The following RAD51B variants were observed in gnomAD, a reference collection of about 807,000 sequenced individuals.
RAD51B encodes the protein RAD51 paralog B.
A neutral mutation model predicts 42.2 loss-of-function variants in RAD51B; 38 were observed. That is an observed-to-expected ratio of 0.90 (90% confidence interval 0.70 to 1.18). The LOEUF (loss-of-function observed/expected upper bound fraction) is 1.18, where lower values mean the gene tolerates loss of function less well. Among genes scored for constraint, RAD51B ranks in the 50% most tolerant of loss-of-function variants. The pLI, the probability that RAD51B is intolerant of heterozygous loss-of-function variation, is 0.00. For missense variants in RAD51B, 373 were observed against 400.7 expected (o/e 0.93, Z 0.59); for synonymous variants, 154 against 145.2 (o/e 1.06, Z -0.43).
At chr14:68,230,652 G>T (rs1357414125) in intron 7 of RAD51B, among the ~76,000 whole-genome samples, 5 of 152,232 alleles carry the variant, frequency 3.3e-5, no homozygotes, top group Admixed American at 2.6e-4. Flanking sequence ...GATCTACAGT[G>T]AGGGAATAGA....
At chr14:67,970,820 A>G (rs2074882667) in intron 7 of RAD51B, among the ~76,000 whole-genome samples, 1 of 152,028 alleles carries the variant, frequency 6.6e-6, no homozygotes, top group Admixed American at 6.6e-5. Flanking sequence ...GACAAAGGAG[A>G]TACTTGAGAA....
intron 7 of RAD51B, among the ~76,000 whole-genome samples, chr14:68,286,870 T>C (rs1172090642): frequency 6.6e-6 from 1 of 152,208 alleles, no homozygotes. Flanking sequence ...TTGGGCTCAG[T>C]TGGCTCAATC....
intron 7 of RAD51B, among the ~76,000 whole-genome samples, chr14:68,082,591 A>G (rs1428106492): frequency 6.6e-6 from 1 of 152,056 alleles, no homozygotes; most frequent in Admixed American, 6.6e-5. Context: ...CTGCTGTTCT[A>G]TACCTTGCTT....
At chr14:68,494,351 C>T (rs747937903) in intron 10 of RAD51B, among the ~76,000 whole-genome samples, 2 of 151,688 alleles carry the variant, frequency 1.3e-5, no homozygotes, top group East Asian at 1.9e-4. Context: ...GGTAGTTCTT[C>T]GGTTTTGTGA....
intron 7 of RAD51B, among the ~76,000 whole-genome samples, chr14:68,114,411 G>A (rs2077507240): frequency 6.6e-6 from 1 of 151,908 alleles, no homozygotes; most frequent in African/African-American, 2.4e-5. Context: ...CCATTGAATG[G>A]CATTTTTAGT....
At chr14:68,519,615 G>T (rs1378341924) in intron 10 of RAD51B, among the ~76,000 whole-genome samples, 1 of 152,202 alleles carries the variant, frequency 6.6e-6, no homozygotes, top group Non-Finnish European at 1.5e-5. Context: ...ATCTCAGGAT[G>T]AATCCATTTT....
rs193127299 is a variant in RAD51B at position 67,942,664 on chromosome 14, G to A, written c.756+55460G>A. ...GTTTACGTGAAGTAGCAGGAGTAACGTCAATACGTTGAAGTTACAAAGCCT... is the reference window on the plus strand; with the variant it reads ...GTTTACGTGAAGTAGCAGGAGTAACATCAATACGTTGAAGTTACAAAGCCT... On this transcript the variant is annotated intron_variant, in intron 7 of 10. Coordinates refer to ENST00000471583, the MANE Select transcript of RAD51B (RefSeq NM_133510.4). Among the ~76,000 whole-genome samples, 1,212 of 152,264 alleles carry A rather than the reference G, an allele frequency of 8.0e-3. 8 individuals carry two copies. Among genetic ancestry groups the A allele is most frequent in the Non-Finnish European group, 0.013 (872 of 68,010 alleles).
In RAD51B at chr14:67,851,411, G is replaced by A. The variant is rs34563551; in HGVS notation, c.316-13592G>A. 4.6e-3 allele frequency among the ~76,000 whole-genome samples: 706 copies of A among 152,184 alleles called. 8 individuals carry two copies. The highest frequency in any genetic ancestry group is 0.016 in the African/African-American group (662 of 41,508). ...ACAGGTCTATGGGGGTAAGGTTTTC[G>A]ACAGGGCTTTGGGCCATGACTGAAA... On this transcript the variant is annotated intron_variant, in intron 4 of 10. Transcript: ENST00000471583.
exon 11 of RAD51B, chr14:68,595,060 G>A: frequency 9.3e-7 from 1 of 1,071,068 alleles, no homozygotes; most frequent in Non-Finnish European, 1.1e-6. Flanking sequence ...TATTTACTCA[G>A]TGCTCCTGAG....
intron 7 of RAD51B, among the ~76,000 whole-genome samples, chr14:68,000,663 G>T (rs1044395207): frequency 6.6e-6 from 1 of 151,804 alleles, no homozygotes; most frequent in Admixed American, 6.6e-5. Context: ...TGACCTTTAG[G>T]TCTGTAATTG....
intron 8 of RAD51B, among the ~76,000 whole-genome samples, chr14:68,334,730 A>T (rs1407628524): frequency 6.6e-6 from 1 of 152,046 alleles, no homozygotes; most frequent in African/African-American, 2.4e-5. Context: ...TAGCACAGAT[A>T]ACCTCTCCAA....
intron 7 of RAD51B, among the ~76,000 whole-genome samples, chr14:68,203,063 A>G (rs2079521405): frequency 6.6e-6 from 1 of 152,166 alleles, no homozygotes; most frequent in Admixed American, 6.5e-5. Flanking sequence ...ACTCCTGTTT[A>G]TGCTGATATT....
At chr14:68,320,363 G>A (rs1257060199) in intron 8 of RAD51B, among the ~76,000 whole-genome samples, 1 of 152,194 alleles carries the variant, frequency 6.6e-6, no homozygotes, top group African/African-American at 2.4e-5. Context: ...CAACATTTTT[G>A]TAGTATTAAA....
At chr14:68,219,763 T>C (rs2079888194) in intron 7 of RAD51B, among the ~76,000 whole-genome samples, 1 of 152,152 alleles carries the variant, frequency 6.6e-6, no homozygotes, top group African/African-American at 2.4e-5. Flanking sequence ...TCTGGTAATA[T>C]GACAAAATGA....
intron 4 of RAD51B, among the ~76,000 whole-genome samples, chr14:67,856,355 A>ATT (rs1315244295): frequency 1.3e-5 from 2 of 150,890 alleles, no homozygotes; most frequent in African/African-American, 4.9e-5. Flanking sequence ...CCTTTCTGAG[A>ATT]TTCTTTTTTT....
chr14:67,974,780 AAAC>A (rs2074959751), intron 7 of RAD51B, among the ~76,000 whole-genome samples: 1 of 152,172 alleles, frequency 6.6e-6, no homozygotes, highest in Non-Finnish European at 1.5e-5. Context: ...TTTATGGAAA[AAAC>A]AATTTGGTAA....
At position 68,136,575 on chromosome 14, in the gene RAD51B, CAAAAAAAAAAAAAAAA is replaced by C. The variant is rs1204817902; in HGVS notation, c.757-155298_757-155283del. 4.5e-4 allele frequency among the ~76,000 whole-genome samples: 2 copies of C among 4,450 alleles called. 1 individual carries two copies. Among genetic ancestry groups the C allele is most frequent in the African/African-American group, 7.1e-4 (2 of 2,832 alleles). 2.9% of individuals were successfully genotyped at this position (4,450 alleles called of 152,430 possible). ...TGTGGTGACAAATGAGACTCCATCT[CAAAAAAAAAAAAAAAA>C]AAAAAAAAAAGAAGTAGACCAGCCA... is the stretch of plus-strand genomic sequence containing the variant. On this transcript the variant is annotated intron_variant, in intron 7 of 10. Transcript: ENST00000471583.
intron 7 of RAD51B, among the ~76,000 whole-genome samples, chr14:67,924,331 A>G (rs1466513910): frequency 1.3e-5 from 2 of 152,134 alleles, no homozygotes; most frequent in Middle Eastern, 3.2e-3. Flanking sequence ...GGGTTTTCCA[A>G]TGTTATCTGC....
intron 8 of RAD51B, among the ~76,000 whole-genome samples, chr14:68,350,398 G>A (rs1055760893): frequency 5.9e-5 from 9 of 152,304 alleles, no homozygotes; most frequent in South Asian, 4.1e-4. Context: ...GTATAGCAGC[G>A]ATGATATGAC....
Sources: gnomAD v4.1 joint callset for allele counts (sites outside exome capture counted in the v4.1 genomes callset) on GRCh38, gnomAD v4.1.1 for gene constraint, MANE v1.5 for transcripts, NCBI Gene and HGNC (gene_info 2026-07-23, HGNC 2026-07-21) for gene names.